SOX5: variants seen among roughly 807,000 people sequenced by gnomAD.
SOX5 encodes the protein SRY-box transcription factor 5, also known as transcription factor SOX-5.
A neutral mutation model predicts 92.0 loss-of-function variants in SOX5; 9 were observed. The observed-to-expected ratio is 0.10, with a 90% CI of 0.06 to 0.17. SOX5 has a LOEUF of 0.17. Ranked by LOEUF, SOX5 falls within the 10% of genes least tolerant of loss-of-function variation. The pLI, the probability that SOX5 is intolerant of heterozygous loss-of-function variation, is 1.00. For synonymous variants in SOX5, 344 were observed against 336.3 expected (o/e 1.02, Z -0.25); for missense variants, 642 against 944.5 (o/e 0.68, Z 4.20).
At chr12:23,624,691 T>C (rs778794306) in intron 8 of SOX5, among the ~76,000 whole-genome samples, 12 of 152,130 alleles carry the variant, frequency 7.9e-5, no homozygotes, top group Admixed American at 5.2e-4. Context: ...CTTTCTGAGG[T>C]TGTCAAGGAG....
At chr12:23,736,692 T>C (rs1170920408) in intron 5 of SOX5, among the ~76,000 whole-genome samples, 1 of 148,750 alleles carries the variant, frequency 6.7e-6, no homozygotes, top group East Asian at 1.9e-4. Flanking sequence ...TCTTTCTCTT[T>C]TTTTTTTTTT....
chr12:24,113,153 A>G, intron 4 of SOX5, among the ~76,000 whole-genome samples: 1 of 150,786 alleles, frequency 6.6e-6, no homozygotes, highest in Middle Eastern at 3.4e-3. Context: ...AGGAATTAAT[A>G]TATAATAAAA....
intron 4 of SOX5, among the ~76,000 whole-genome samples, chr12:24,185,070 C>T (rs1208843204): frequency 6.6e-6 from 1 of 152,042 alleles, no homozygotes; most frequent in East Asian, 1.9e-4. Flanking sequence ...TGCTCACTGC[C>T]AGCCTGACAC....
chr12:23,804,918 TATATATATATATATATATATA>T (rs1567906739), intron 3 of SOX5, among the ~76,000 whole-genome samples: 10 of 4,026 alleles, frequency 2.5e-3, no homozygotes, highest in South Asian at 0.024. Flanking sequence ...CATTGTTTTA[TATATATATATATATATATATA>T]TATATATATA....
At chr12:24,390,316 C>T (rs939243941) in intron 1 of SOX5, among the ~76,000 whole-genome samples, 25 of 152,252 alleles carry the variant, frequency 1.6e-4, no homozygotes, top group African/African-American at 5.5e-4. Flanking sequence ...GTGACAACAC[C>T]TCTTGCTTGA....
At chr12:24,365,841 C>T (rs943395894) in intron 2 of SOX5, among the ~76,000 whole-genome samples, 2 of 151,572 alleles carry the variant, frequency 1.3e-5, no homozygotes, top group Non-Finnish European at 2.9e-5. Flanking sequence ...AAGATTTTGC[C>T]TAGTTTTTTT....
At chr12:24,003,611 G>T (rs1458711013) in intron 4 of SOX5, among the ~76,000 whole-genome samples, 1 of 151,998 alleles carries the variant, frequency 6.6e-6, no homozygotes, top group African/African-American at 2.4e-5. Flanking sequence ...TACAAGACTT[G>T]TATGCTGAAA....
intron 3 of SOX5, among the ~76,000 whole-genome samples, chr12:24,264,079 TACTTTTA>T (rs1236404648): frequency 2.6e-5 from 4 of 152,226 alleles, no homozygotes; most frequent in Non-Finnish European, 5.9e-5. Context: ...TTTTTCTTTT[TACTTTTA>T]AATAACAATA....
chr12:24,444,285 T>A (rs1941120051), intron 1 of SOX5, among the ~76,000 whole-genome samples: 1 of 151,872 alleles, frequency 6.6e-6, no homozygotes, highest in Non-Finnish European at 1.5e-5. Flanking sequence ...TGTGTGTGTG[T>A]GTGTGTGTGT....
At chr12:24,236,117 G>C (rs10842295) in intron 3 of SOX5, among the ~76,000 whole-genome samples, 4,800 of 152,104 alleles carry the variant, frequency 0.032, 134 homozygotes, top group African/African-American at 0.075. Context: ...GCGTGAACCC[G>C]GGAAGTGGGT....
intron 1 of SOX5, 135 bp from the exon 2 acceptor site, chr12:23,896,159 C>T: frequency 1.6e-6 from 1 of 635,764 alleles, no homozygotes; most frequent in Non-Finnish European, 2.8e-6. Flanking sequence ...CCAAATACCA[C>T]TGCAAAGCAC....
chr12:24,225,459 T>A (rs923064658), intron 3 of SOX5, among the ~76,000 whole-genome samples: 1 of 144,216 alleles, frequency 6.9e-6, no homozygotes, highest in Non-Finnish European at 1.5e-5. Flanking sequence ...ATTAGTTGAG[T>A]AAATTAACAA....
intron 1 of SOX5, among the ~76,000 whole-genome samples, chr12:24,482,031 A>T (rs1416028910): frequency 2.0e-5 from 3 of 152,224 alleles, no homozygotes; most frequent in Non-Finnish European, 4.4e-5. Flanking sequence ...AGGAGGAAAA[A>T]CAAAACATGT....
chr12:24,432,380 C>T (rs1938523280), intron 1 of SOX5, among the ~76,000 whole-genome samples: 1 of 151,994 alleles, frequency 6.6e-6, no homozygotes, highest in South Asian at 2.1e-4. Flanking sequence ...GTGAAAAGCC[C>T]CCAATAAAAG....
intron 4 of SOX5, among the ~76,000 whole-genome samples, chr12:24,093,979 T>C (rs1443696807): frequency 3.9e-5 from 6 of 152,154 alleles, no homozygotes; most frequent in Non-Finnish European, 8.8e-5. Context: ...AAAGTTTTGC[T>C]CTTGTTGCCC....
At chr12:23,688,212 A>T (rs2088011217) in intron 6 of SOX5, among the ~76,000 whole-genome samples, 1 of 152,078 alleles carries the variant, frequency 6.6e-6, no homozygotes, top group Non-Finnish European at 1.5e-5. Flanking sequence ...TCTCATCTCA[A>T]TTATAATGTG....
intron 3 of SOX5, among the ~76,000 whole-genome samples, chr12:24,224,708 G>C (rs562912864): frequency 1.3e-5 from 2 of 152,008 alleles, no homozygotes; most frequent in Non-Finnish European, 2.9e-5. Flanking sequence ...TGCCTTCTTT[G>C]GCTGGGAGTA....
intron 4 of SOX5, among the ~76,000 whole-genome samples, chr12:24,100,451 T>A (rs1432205390): frequency 1.3e-5 from 2 of 152,084 alleles, no homozygotes; most frequent in African/African-American, 4.8e-5. Context: ...GACTCTGCCA[T>A]TCTCTCCTCT....
intron 8 of SOX5, among the ~76,000 whole-genome samples, chr12:23,611,084 C>A (rs951310690): frequency 5.9e-5 from 9 of 151,948 alleles, no homozygotes; most frequent in Admixed American, 4.6e-4. Flanking sequence ...CTTTGGGATC[C>A]TTTTAGTTTG....
Sources: gnomAD v4.1 joint callset for allele counts (sites outside exome capture counted in the v4.1 genomes callset) on GRCh38, gnomAD v4.1.1 for gene constraint, MANE v1.5 for transcripts, NCBI Gene and HGNC (gene_info 2026-07-23, HGNC 2026-07-21) for gene names.